CSMD1: variants seen among roughly 807,000 people sequenced by gnomAD.
CSMD1 encodes the protein CUB and Sushi multiple domains 1.
CSMD1 carries 213 observed loss-of-function variants against 417.5 expected under a neutral mutation model. That is an observed-to-expected ratio of 0.51 (90% confidence interval 0.46 to 0.57). The LOEUF is 0.57. Among genes scored for constraint, CSMD1 ranks in the 20% least tolerant of loss-of-function variants. The probability of loss-of-function intolerance (pLI) is 0.00; values close to 1 mark genes in which losing one functional copy is unlikely to be tolerated. For missense variants in CSMD1, 6,923 were observed against 4,529.7 expected (o/e 1.53, Z -15.17); for synonymous variants, 2,862 against 1,736.8 (o/e 1.65, Z -16.11).
chr8:3,989,396 G>A (rs937134461), intron 5 of CSMD1, among the ~76,000 whole-genome samples: 2 of 152,188 alleles, frequency 1.3e-5, no homozygotes, highest in African/African-American at 2.4e-5. Flanking sequence ...AAAAACGACA[G>A]AGGACATTGC....
chr8:3,868,213 A>G (rs1446031662), intron 5 of CSMD1, among the ~76,000 whole-genome samples: 1 of 135,260 alleles, frequency 7.4e-6, no homozygotes, highest in Non-Finnish European at 1.5e-5. Flanking sequence ...GCCTGTAGAA[A>G]AAACCCAGAA....
At chr8:4,854,031 A>G (rs1801642030) in intron 1 of CSMD1, among the ~76,000 whole-genome samples, 1 of 152,084 alleles carries the variant, frequency 6.6e-6, no homozygotes, top group Non-Finnish European at 1.5e-5. Context: ...GGAAGTATGC[A>G]ACTTGGTTTT....
At chr8:4,443,061 G>C (rs764583900) in intron 2 of CSMD1, among the ~76,000 whole-genome samples, 1 of 152,156 alleles carries the variant, frequency 6.6e-6, no homozygotes, top group African/African-American at 2.4e-5. Context: ...ACAATTATTT[G>C]AGAAGAGTCA....
intron 2 of CSMD1, among the ~76,000 whole-genome samples, chr8:4,595,916 C>G (rs958132975): frequency 6.6e-6 from 1 of 152,058 alleles, no homozygotes; most frequent in Non-Finnish European, 1.5e-5. Flanking sequence ...CTCTTAAGGC[C>G]TGACTGTAAA....
chr8:4,482,208 G>C (rs532711124), intron 2 of CSMD1, among the ~76,000 whole-genome samples: 2 of 152,114 alleles, frequency 1.3e-5, no homozygotes, highest in African/African-American at 4.8e-5. Context: ...ATTAAGCCAA[G>C]TACCCAGTAA....
At chr8:2,957,660 G>C in intron 63 of CSMD1, 36 bp downstream of exon 63, 1 of 1,266,044 alleles carries the variant, frequency 7.9e-7, no homozygotes, top group Non-Finnish European at 1.1e-6. Context: ...CAATAAATAG[G>C]TGACTTGTGA....
intron 3 of CSMD1, among the ~76,000 whole-genome samples, chr8:4,394,699 C>G (rs1346235481): frequency 6.6e-6 from 1 of 152,198 alleles, no homozygotes; most frequent in South Asian, 2.1e-4. Context: ...CTGGCCCTGA[C>G]TGGCTTATCT....
At chr8:3,061,157 T>C (rs1311067714) in intron 49 of CSMD1, among the ~76,000 whole-genome samples, 2 of 152,168 alleles carry the variant, frequency 1.3e-5, no homozygotes, top group African/African-American at 2.4e-5. Context: ...ACTCGGACAA[T>C]GTATATAAAG....
intron 3 of CSMD1, among the ~76,000 whole-genome samples, chr8:4,416,918 A>G (rs1383675217): frequency 6.6e-6 from 1 of 152,096 alleles, no homozygotes; most frequent in Non-Finnish European, 1.5e-5. Context: ...GAATTTTAAT[A>G]GTAATCTTAT....
chr8:3,970,919 T>C (rs184811685), intron 5 of CSMD1, among the ~76,000 whole-genome samples: 9 of 152,218 alleles, frequency 5.9e-5, no homozygotes, highest in African/African-American at 2.2e-4. Flanking sequence ...GCTCCGCTAA[T>C]TTTGTATTTT....
chr8:4,755,028 C>A (rs746804690), intron 1 of CSMD1, among the ~76,000 whole-genome samples: 1 of 152,066 alleles, frequency 6.6e-6, no homozygotes, highest in East Asian at 1.9e-4. Flanking sequence ...ATCCCAGCTA[C>A]TTGGGAGGCT....
chr8:4,635,081 G>C (rs1358202102), intron 2 of CSMD1, among the ~76,000 whole-genome samples: 2 of 152,074 alleles, frequency 1.3e-5, no homozygotes, highest in Admixed American at 6.6e-5. Context: ...GTAGAAATAT[G>C]ACATATTTTT....
intron 3 of CSMD1, among the ~76,000 whole-genome samples, chr8:4,329,500 C>T (rs1045982075): frequency 1.3e-5 from 2 of 152,124 alleles, no homozygotes; most frequent in African/African-American, 4.8e-5. Flanking sequence ...GTTGGCCAGG[C>T]CAGTCTCAAA....
chr8:4,282,195 G>C (rs1467125646), intron 3 of CSMD1, among the ~76,000 whole-genome samples: 1 of 152,188 alleles, frequency 6.6e-6, no homozygotes. Flanking sequence ...GATCAATAGT[G>C]ATTTTTTGTG....
At chr8:3,656,407 G>C (rs912810653) in intron 7 of CSMD1, among the ~76,000 whole-genome samples, 1 of 151,950 alleles carries the variant, frequency 6.6e-6, no homozygotes, top group African/African-American at 2.4e-5. Context: ...TCCTCTCAGT[G>C]CATCACCTAT....
intron 12 of CSMD1, among the ~76,000 whole-genome samples, chr8:3,419,095 G>T (rs2166708): frequency 0.019 from 2,858 of 152,284 alleles, 56 homozygotes; most frequent in East Asian, 0.096. Flanking sequence ...ACGCCAGCTA[G>T]GAACCTCATG....
rs573257645 is a variant in CSMD1, at chr8:4,182,119, C to G, written c.416-150020G>C. 4.7e-4 allele frequency among the ~76,000 whole-genome samples: 72 copies of G among 151,930 alleles called. 1 individual carries two copies. Among genetic ancestry groups the G allele is most frequent in the Admixed American group, 1.3e-3 (20 of 15,248 alleles). ...TAGCATTTCAATGCTAAAACTTAAA[C>G]ACACCAAAAGAAGACAGAACTAAAA... On this transcript the variant is annotated intron_variant, in intron 3 of 69. Coordinates refer to ENST00000635120, the MANE Select transcript of CSMD1 (RefSeq NM_033225.6).
At chr8:4,178,068 T>C (rs1215322816) in intron 3 of CSMD1, among the ~76,000 whole-genome samples, 2 of 152,194 alleles carry the variant, frequency 1.3e-5, no homozygotes, top group Admixed American at 6.5e-5. Flanking sequence ...GCACCCTCAC[T>C]AACTCATTTT....
chr8:4,787,152 C>T (rs1020961549), intron 1 of CSMD1, among the ~76,000 whole-genome samples: 1 of 152,204 alleles, frequency 6.6e-6, no homozygotes. Context: ...TATACCCCTC[C>T]GGGTTCGGCC....
Sources: allele counts gnomAD v4.1 joint callset (sites outside exome capture counted in the v4.1 genomes callset), GRCh38; gene constraint gnomAD v4.1.1; transcripts MANE v1.5; gene names NCBI Gene and HGNC (gene_info 2026-07-23, HGNC 2026-07-21).